The following NFATC3 variants were observed in gnomAD, a reference collection of about 807,000 sequenced individuals.
NFATC3 encodes the protein nuclear factor of activated T-cells, cytoplasmic 3.
NFATC3 carries 46 observed loss-of-function variants against 98.6 expected under a neutral mutation model. That is an observed-to-expected ratio of 0.47 (90% CI 0.37 to 0.60). NFATC3 has a LOEUF of 0.60. Among genes scored for constraint, NFATC3 ranks in the 20% least tolerant of loss-of-function variants. The pLI, the probability that NFATC3 is intolerant of heterozygous loss-of-function variation, is 0.00. For synonymous variants in NFATC3, 512 were observed against 472.2 expected, an observed-to-expected ratio of 1.08 and a Z score of -1.09; for missense variants, 1,256 against 1,295.5, an observed-to-expected ratio of 0.97 and a Z score of 0.47.
At position 68,122,434 on chromosome 16, in the gene NFATC3, C is replaced by G. The variant is rs775255036; in HGVS notation, c.551C>G (p.Ser184Trp). Residue 184 changes from serine (S) to tryptophan (W), a missense_variant, in exon 2 of 10, where the codon TCG (serine) becomes TGG (tryptophan). Around this residue, in one of 3 missense-constraint regions of NFATC3, gnomAD observed 464 missense variants for 465.7 expected, o/e 1.00. Transcript: ENST00000346183. ...TTCTCTGATGCATCTTCTTGTGAAT[C>G]GCTTTCACATATTTATGATGATGTG... ...SWFSDASSCE[S>W]LSHIYDDVDS... 11 of 1,614,082 alleles carry G rather than the reference C, an allele frequency of 6.8e-6. No individual in the cohort carries two copies. The highest frequency in any genetic ancestry group is 9.3e-6 in the Non-Finnish European group (11 of 1,179,988).
In NFATC3 at chr16:68,174,619, T is replaced by C. The variant is rs570965074; in HGVS notation, c.1915+105T>C. 7.8e-5 allele frequency: 70 copies of C among 893,686 alleles called. 1 individual carries two copies. In the South Asian group the frequency reaches 2.2e-3, roughly 29 times the overall value. The allele number at this position is 893,686 out of a possible 1,614,324, so 55.4% of individuals were successfully genotyped here. A position where few individuals can be genotyped will look rare whatever the true frequency, so the allele number is the denominator to read the frequency against. Reference sequence around the variant, plus strand: ...AATTACAAAGTAGTTTTCATAAAGCTATGGGTGTCATTTTGCACTTGATTT... The same window carrying C: ...AATTACAAAGTAGTTTTCATAAAGCCATGGGTGTCATTTTGCACTTGATTT... On this transcript the variant is annotated intron_variant, in intron 6 of 9. Transcript: ENST00000346183.
chr16:68,090,585 T>C (rs1312971758), intron 1 of NFATC3, among the ~76,000 whole-genome samples: 1 of 152,234 alleles, frequency 6.6e-6, no homozygotes, highest in African/African-American at 2.4e-5. Flanking sequence ...TTACCTCTTA[T>C]ATTTTATCAA....
At position 68,226,145 on chromosome 16, in the gene NFATC3, GA is replaced by G. The variant is rs2042030342; in HGVS notation, c.3107-204del. 3 of 492,380 alleles carry G rather than the reference GA, an allele frequency of 6.1e-6. No individual in the cohort carries two copies. The Admixed American group carries it at 1.3e-4, about 22-fold the overall frequency. 30.5% of individuals were successfully genotyped at this position (492,380 alleles called of 1,614,324 possible). On this transcript the variant is annotated intron_variant, in intron 9 of 9. Coordinates refer to ENST00000346183, the MANE Select transcript of NFATC3 (RefSeq NM_173165.3). ...CTTCCCAACCCAAAATGAACTGAAT[GA>G]GAGAGAAAAAGAGGTCCAGAGTAGT...
intron 9 of NFATC3, chr16:68,214,505 A>T: frequency 7.5e-7 from 1 of 1,326,960 alleles, no homozygotes; most frequent in East Asian, 2.3e-5. Flanking sequence ...CTGGATTTGC[A>T]TGTGCTACAG....
chr16:68,181,928 A>G (rs1169286774), intron 7 of NFATC3, among the ~76,000 whole-genome samples: 1 of 152,310 alleles, frequency 6.6e-6, no homozygotes, highest in East Asian at 1.9e-4. Flanking sequence ...CCCTGTCTAA[A>G]AAAGTAAAAT....
At chr16:68,134,025 A>T (rs1598419693) in intron 3 of NFATC3, among the ~76,000 whole-genome samples, 1 of 152,130 alleles carries the variant, frequency 6.6e-6, no homozygotes, top group African/African-American at 2.4e-5. Flanking sequence ...TTATTCCTCC[A>T]CATTGTCACC....
At chr16:68,129,750 T>A (rs1254513784) in intron 3 of NFATC3, among the ~76,000 whole-genome samples, 1 of 146,310 alleles carries the variant, frequency 6.8e-6, no homozygotes, top group African/African-American at 2.5e-5. Flanking sequence ...TGATCATACC[T>A]AACTGCAGTC....
At chr16:68,100,912 GT>G (rs2035314176) in intron 1 of NFATC3, among the ~76,000 whole-genome samples, 6 of 140,768 alleles carry the variant, frequency 4.3e-5, no homozygotes, top group Admixed American at 2.8e-4. Context: ...TGTGGGGTGT[GT>G]GTGTGTGTGT....
In NFATC3 at chr16:68,189,008, C is replaced by T. The variant is rs1257320127; in HGVS notation, c.2099-1760C>T. Among the ~76,000 whole-genome samples, 7 of 152,076 alleles carry T rather than the reference C, an allele frequency of 4.6e-5. No homozygotes were observed. In the East Asian group the frequency reaches 1.4e-3, roughly 29 times the overall value. On this transcript the variant is annotated intron_variant, in intron 8 of 9. Transcript: ENST00000346183. The stretch of plus-strand genomic sequence containing the variant: ...CAGGTGTGAGCCACTGCGCCCAGCC[C>T]CAACTTCATTCTTTTACATGTTGAT...
At chr16:68,221,608 T>G in intron 9 of NFATC3, 1 of 1,064,098 alleles carries the variant, frequency 9.4e-7, no homozygotes. Flanking sequence ...CCGTTGGAAC[T>G]TAAATCTCCT....
chr16:68,122,919 G>A lies in NFATC3; in HGVS notation c.1036G>A (p.Asp346Asn). The A allele has an allele frequency of 6.2e-7, 1 of 1,614,182 alleles. No individual in the cohort carries two copies. Among genetic ancestry groups the A allele is most frequent in the Non-Finnish European group, 8.5e-7 (1 of 1,180,040 alleles). Residue 346 changes from aspartate (D) to asparagine (N), a missense_variant, in exon 2 of 10, where the codon GAT (aspartate) becomes AAT (asparagine). Physicochemically the swap from Asp to Asn is conservative, Grantham distance 23. Around this residue, in one of 3 missense-constraint regions of NFATC3, gnomAD observed 464 missense variants for 465.7 expected, o/e 1.00. Transcript: ENST00000346183. ...IPLKTRKTSE[D>N]QAAILPGKLE... ...TCTCAAAACAAGGAAAACTTCTGAA[G>A]ATCAAGCTGCCATACTACCAGGAAA...
At chr16:68,192,230 A>AAAAAAAAAATAT (rs1555522047) in intron 9 of NFATC3, 2 of 82,600 alleles carry the variant, frequency 2.4e-5, no homozygotes, top group African/African-American at 1.1e-4. Flanking sequence ...AAAAAAAAAA[A>AAAAAAAAAATAT]ATATATATAT....
At chr16:68,108,888 G>A (rs1334171203) in intron 1 of NFATC3, among the ~76,000 whole-genome samples, 3 of 152,086 alleles carry the variant, frequency 2.0e-5, no homozygotes, top group Non-Finnish European at 4.4e-5. Flanking sequence ...TCTCTTGTTG[G>A]CGTAAAGGAA....
intron 1 of NFATC3, among the ~76,000 whole-genome samples, chr16:68,109,671 C>G (rs1011544239): frequency 1.3e-5 from 2 of 152,132 alleles, no homozygotes; most frequent in African/African-American, 2.4e-5. Flanking sequence ...CTTTGTACCT[C>G]TGGTAGAATT....
At position 68,228,480 on chromosome 16, in the gene NFATC3, A is replaced by G. The variant is rs2042077646; in HGVS notation, c.*2009A>G. 1 of 152,594 alleles carries G rather than the reference A, an allele frequency of 6.6e-6. No homozygotes were observed. The highest frequency in any genetic ancestry group is 2.1e-4 in the South Asian group (1 of 4,830). 9.5% of individuals were successfully genotyped at this position (152,594 alleles called of 1,614,324 possible). ...GTGCCCTCAAGAATTAAAAGCCTCTATGATCCAGAGTTGCTATGCACCAAA... is the reference window on the plus strand; with the variant it reads ...GTGCCCTCAAGAATTAAAAGCCTCTGTGATCCAGAGTTGCTATGCACCAAA... On this transcript the variant is annotated 3_prime_UTR_variant, in exon 10 of 10. Coordinates refer to ENST00000346183, the MANE Select transcript of NFATC3 (RefSeq NM_173165.3).
intron 1 of NFATC3, among the ~76,000 whole-genome samples, chr16:68,087,547 T>C (rs548933004): frequency 6.6e-6 from 1 of 152,306 alleles, no homozygotes; most frequent in African/African-American, 2.4e-5. Context: ...TTTTTAAAGT[T>C]TTTTTAATAT....
intron 9 of NFATC3, among the ~76,000 whole-genome samples, chr16:68,202,874 A>G (rs962597555): frequency 6.6e-6 from 1 of 152,168 alleles, no homozygotes; most frequent in South Asian, 2.1e-4. Context: ...AGCCATACAC[A>G]GCCAGTGGTG....
intron 5 of NFATC3, among the ~76,000 whole-genome samples, chr16:68,172,272 C>T (rs948225653): frequency 1.3e-5 from 2 of 152,148 alleles, no homozygotes; most frequent in Non-Finnish European, 2.9e-5. Flanking sequence ...TTCCTAATGG[C>T]ATTGCATTTT....
At position 68,221,192 on chromosome 16, in the gene NFATC3, A is replaced by G. The variant is rs763937244; in HGVS notation, c.3107-5158A>G. 12 of 1,613,890 alleles carry G rather than the reference A, an allele frequency of 7.4e-6. No individual in the cohort carries two copies. In the Admixed American group the frequency reaches 1.7e-4, roughly 22 times the overall value. ...TAATGACTTACATTTACATTACATC[A>G]TAGATTTGTTTACCAGTAATAATTT... is the stretch of plus-strand genomic sequence containing the variant. On this transcript the variant is annotated intron_variant, in intron 9 of 9. Coordinates refer to ENST00000346183, the MANE Select transcript of NFATC3 (RefSeq NM_173165.3).
Sources: allele counts gnomAD v4.1 joint callset (sites outside exome capture counted in the v4.1 genomes callset), GRCh38; gene constraint gnomAD v4.1.1; regional missense constraint gnomAD v4.1.1; transcripts MANE v1.5; gene names NCBI Gene and HGNC (gene_info 2026-07-23, HGNC 2026-07-21).